Variants in NTRK3 observed in about 807,000 individuals in gnomAD.
NTRK3 encodes the protein NT-3 growth factor receptor.
A neutral mutation model predicts 91.7 loss-of-function variants in NTRK3; 24 were observed. The observed-to-expected ratio is 0.26, with a 90% CI of 0.19 to 0.37. The LOEUF is 0.37. NTRK3 is among the 10% of genes least tolerant of loss of function. NTRK3 has a pLI of 1.00. For missense variants in NTRK3, 880 were observed against 1,068.9 expected (o/e 0.82, Z 2.46); for synonymous variants, 483 against 404.0 (o/e 1.20, Z -2.34).
chr15:88,174,489 A>C (rs2045814209), intron 5 of NTRK3, among the ~76,000 whole-genome samples: 1 of 152,060 alleles, frequency 6.6e-6, no homozygotes, highest in South Asian at 2.1e-4. Flanking sequence ...GTCCTGACTC[A>C]AGCCTCCCAC....
chr15:88,191,935 G>A (rs1267752339), intron 3 of NTRK3, among the ~76,000 whole-genome samples: 1 of 152,202 alleles, frequency 6.6e-6, no homozygotes, highest in Admixed American at 6.5e-5. Context: ...CAGGCAGCCA[G>A]GGGTTGGGAC....
chr15:87,975,303 T>G (rs923372605), intron 14 of NTRK3, among the ~76,000 whole-genome samples: 1 of 152,102 alleles, frequency 6.6e-6, no homozygotes, highest in Admixed American at 6.5e-5. Context: ...CAGTTGAGTT[T>G]CTCATTCTCT....
At chr15:88,115,712 A>G (rs2051978658) in intron 13 of NTRK3, among the ~76,000 whole-genome samples, 1 of 152,056 alleles carries the variant, frequency 6.6e-6, no homozygotes, top group South Asian at 2.1e-4. Context: ...TCTGCAGTAA[A>G]TTGGAGGGCA....
At chr15:88,134,585 C>A in intron 10 of NTRK3, among the ~76,000 whole-genome samples, 1 of 152,108 alleles carries the variant, frequency 6.6e-6, no homozygotes, top group South Asian at 2.1e-4. Flanking sequence ...GTCATTCATC[C>A]GTTAAATGGA....
chr15:88,249,174 G>T (rs2053123639), intron 3 of NTRK3, among the ~76,000 whole-genome samples: 1 of 152,152 alleles, frequency 6.6e-6, no homozygotes, highest in Non-Finnish European at 1.5e-5. Context: ...CAGGAGGACT[G>T]GGGGCAGAGG....
intron 14 of NTRK3, among the ~76,000 whole-genome samples, chr15:87,983,771 T>C (rs1199818630): frequency 1.3e-5 from 2 of 152,156 alleles, no homozygotes; most frequent in Admixed American, 1.3e-4. Flanking sequence ...GAGGTCAAGA[T>C]AGTGATGGTA....
At chr15:87,977,677 G>A (rs922379726) in intron 14 of NTRK3, 3 of 232,018 alleles carry the variant, frequency 1.3e-5, no homozygotes, top group South Asian at 1.8e-4. Flanking sequence ...TGGAGGGGGC[G>A]AGATAAACAC....
At chr15:88,184,904 G>T (rs2046828402) in intron 3 of NTRK3, among the ~76,000 whole-genome samples, 1 of 152,222 alleles carries the variant, frequency 6.6e-6, no homozygotes, top group African/African-American at 2.4e-5. Context: ...TGACTCCAGA[G>T]AGTGGGGGCC....
intron 14 of NTRK3, among the ~76,000 whole-genome samples, chr15:87,946,999 C>A (rs571351509): frequency 6.7e-6 from 1 of 150,252 alleles, no homozygotes; most frequent in African/African-American, 2.4e-5. Flanking sequence ...CTGCCTCAGA[C>A]TCCCGAGTAT....
At chr15:88,027,180 C>T (rs2078109036) in intron 14 of NTRK3, among the ~76,000 whole-genome samples, 5 of 151,934 alleles carry the variant, frequency 3.3e-5, no homozygotes, top group Admixed American at 2.6e-4. Context: ...AAATCTCAGG[C>T]TCTCTCTTGT....
intron 13 of NTRK3, among the ~76,000 whole-genome samples, chr15:88,105,273 CCTGA>C (rs1339244619): frequency 1.3e-5 from 2 of 152,132 alleles, no homozygotes; most frequent in Admixed American, 6.5e-5. Flanking sequence ...AGAGTATTGG[CCTGA>C]CTGTCTACAT....
chr15:87,868,973 T>C (rs1397033134), exon 19 of NTRK3: 3 of 227,652 alleles, frequency 1.3e-5, no homozygotes, highest in Non-Finnish European at 2.6e-5. Context: ...CCCTAGAGGA[T>C]TGCAGAGCCC....
At chr15:88,194,794 A>G (rs2151702625) in intron 3 of NTRK3, among the ~76,000 whole-genome samples, 1 of 152,244 alleles carries the variant, frequency 6.6e-6, no homozygotes, top group East Asian at 1.9e-4. Flanking sequence ...ATCCTTCCTC[A>G]TGTAACATAT....
intron 3 of NTRK3, among the ~76,000 whole-genome samples, chr15:88,185,066 A>G (rs1485760267): frequency 6.6e-6 from 1 of 152,186 alleles, no homozygotes; most frequent in Admixed American, 6.5e-5. Context: ...TTCATTTGTA[A>G]AAGAGGAGAG....
intron 14 of NTRK3, among the ~76,000 whole-genome samples, chr15:87,955,822 TG>T (rs1226632369): frequency 6.6e-6 from 1 of 152,182 alleles, no homozygotes; most frequent in African/African-American, 2.4e-5. Flanking sequence ...ACTTATTTGC[TG>T]AGGGGTCACA....
exon 7 of NTRK3, chr15:88,137,459 G>A (rs753425664): frequency 3.7e-6 from 6 of 1,614,056 alleles, no homozygotes; most frequent in Non-Finnish European, 5.1e-6. Flanking sequence ...CAGCGTTGAT[G>A]CAGTAGAGGT....
intron 13 of NTRK3, among the ~76,000 whole-genome samples, chr15:88,059,584 C>T (rs1391327455): frequency 6.8e-6 from 1 of 146,372 alleles, no homozygotes; most frequent in Non-Finnish European, 1.5e-5. Context: ...CCAGGCACCT[C>T]AATCAACACA....
At chr15:87,986,412 A>G (rs539429642) in intron 14 of NTRK3, among the ~76,000 whole-genome samples, 7 of 152,378 alleles carry the variant, frequency 4.6e-5, no homozygotes, top group Admixed American at 2.0e-4. Flanking sequence ...ATGTGAGTTC[A>G]CATATAACCC....
intron 13 of NTRK3, among the ~76,000 whole-genome samples, chr15:88,125,464 A>C (rs2053185894): frequency 6.6e-6 from 1 of 152,086 alleles, no homozygotes; most frequent in Non-Finnish European, 1.5e-5. Context: ...CAAACCTCGT[A>C]TCATGCCTCC....
Sources: gnomAD v4.1 joint callset for allele counts (sites outside exome capture counted in the v4.1 genomes callset) on GRCh38, gnomAD v4.1.1 for gene constraint, MANE v1.5 for transcripts, NCBI Gene and HGNC (gene_info 2026-07-23, HGNC 2026-07-21) for gene names.